STRADB: variants seen among roughly 807,000 people sequenced by gnomAD.
The protein encoded by STRADB is STE20-related kinase adapter protein beta.
A neutral mutation model predicts 52.1 loss-of-function variants in STRADB; 34 were observed. The ratio of observed to expected loss-of-function variants is 0.65; its 90% confidence interval spans 0.50 to 0.87. STRADB has a LOEUF of 0.87. Among genes scored for constraint, STRADB ranks in the 40% least tolerant of loss-of-function variants. STRADB has a pLI of 0.00. For missense variants in STRADB, 340 were observed against 483.9 expected, an observed-to-expected ratio of 0.70 and a Z score of 2.79; for synonymous variants, 133 against 174.5, an observed-to-expected ratio of 0.76 and a Z score of 1.87.
intron 7 of STRADB, among the ~76,000 whole-genome samples, chr2:201,476,801 C>G (rs181765924): frequency 1.3e-5 from 2 of 149,868 alleles, no homozygotes; most frequent in East Asian, 4.0e-4. Flanking sequence ...ATGGTGAAAC[C>G]CTGTCTCTAC....
At chr2:201,461,947 C>A (rs550452375) in intron 3 of STRADB, among the ~76,000 whole-genome samples, 1 of 152,082 alleles carries the variant, frequency 6.6e-6, no homozygotes, top group Non-Finnish European at 1.5e-5. Flanking sequence ...CTATCCTTTC[C>A]CCAGTGTATG....
chr2:201,455,887 A>G (rs1051205253), intron 2 of STRADB, among the ~76,000 whole-genome samples: 8 of 152,368 alleles, frequency 5.3e-5, no homozygotes, highest in Admixed American at 2.6e-4. Context: ...TATTCTATCA[A>G]TTACCAAGGC....
At position 201,477,788 on chromosome 2, in the gene STRADB, C is replaced by T; in HGVS notation, c.718C>T (p.Gln240Ter). 1 of 1,612,370 alleles carries T rather than the reference C, an allele frequency of 6.2e-7. No individual in the cohort carries two copies. Among genetic ancestry groups the T allele is most frequent in the Middle Eastern group, 1.7e-4 (1 of 6,060 alleles). ...QPWLSPELLR[Q>*]DLHGYNVKSD... Reference sequence around the variant, plus strand: ...GTGGCTGAGTCCAGAACTACTGAGACAGGTCAGGTGTGGCCGTTGGATTGG... The same window carrying T: ...GTGGCTGAGTCCAGAACTACTGAGATAGGTCAGGTGTGGCCGTTGGATTGG... Residue 240 changes from glutamine to a stop codon, truncating the protein, a stop_gained and splice_region_variant, in exon 8 of 12, where the codon CAG becomes TAG. Transcript: ENST00000194530. LOFTEE classifies it high-confidence loss of function.
chr2:201,474,228 C>T (rs1374648639), intron 5 of STRADB, among the ~76,000 whole-genome samples: 1 of 151,988 alleles, frequency 6.6e-6, no homozygotes, highest in Non-Finnish European at 1.5e-5. Context: ...ATGTATATTA[C>T]ACAAACAAAA....
At chr2:201,469,860 CTG>C (rs1952361864) in intron 3 of STRADB, 91 bp from the exon 4 acceptor site, 3 of 899,554 alleles carry the variant, frequency 3.3e-6, no homozygotes, top group Non-Finnish European at 5.4e-6. Context: ...ATGAGCACCT[CTG>C]TGTTTGAAAA....
Position 201,470,015 on chromosome 2 carries a change from C to T in STRADB, c.156C>T (p.Ser52=), listed in dbSNP as rs1459231354. 1.2e-6 allele frequency: 2 copies of T among 1,613,998 alleles called. No homozygotes were observed. Among genetic ancestry groups the T allele is most frequent in the Non-Finnish European group, 1.7e-6 (2 of 1,179,924 alleles). ...CTAGAGCCAGTGAAGTACTATGTTC[C>T]ACCAACGTTTCTCACTATGAGCTCC... ...PSTRASEVLC[S]TNVSHYELQV... The change falls in exon 4 of 12, where the codon TCC becomes TCT. Residue 52 remains serine (S), a synonymous_variant. Transcript: ENST00000194530.
intron 4 of STRADB, among the ~76,000 whole-genome samples, chr2:201,472,251 C>G (rs565391969): frequency 9.8e-5 from 15 of 152,298 alleles, no homozygotes; most frequent in Non-Finnish European, 2.2e-4. Context: ...ATCTCACTCG[C>G]AGATATTTGC....
At chr2:201,476,353 TCTTA>T (rs1467165924) in intron 7 of STRADB, among the ~76,000 whole-genome samples, 1 of 150,638 alleles carries the variant, frequency 6.6e-6, no homozygotes, top group Non-Finnish European at 1.5e-5. Context: ...AAGCTTTTTG[TCTTA>T]CTTTTTTTTT....
chr2:201,478,315 T>G, intron 9 of STRADB, 42 bp from the exon 10 acceptor site: 2 of 1,606,886 alleles, frequency 1.2e-6, no homozygotes, highest in Non-Finnish European at 8.5e-7. Flanking sequence ...TGTTTTAATA[T>G]TTTGCCTGAA....
chr2:201,451,965 G>C (rs1952048492), intron 1 of STRADB, 27 bp downstream of exon 1: 1 of 152,808 alleles, frequency 6.5e-6, no homozygotes, highest in Non-Finnish European at 1.5e-5. Flanking sequence ...GGCCCGGGAA[G>C]GGAAGGTGTC....
At chr2:201,465,410 A>G (rs1486794951) in intron 3 of STRADB, among the ~76,000 whole-genome samples, 1 of 151,716 alleles carries the variant, frequency 6.6e-6, no homozygotes, top group Non-Finnish European at 1.5e-5. Context: ...AGGGCTTGGA[A>G]TGGGGGCCTC....
rs1395366062 is a variant in STRADB, at chr2:201,454,813, C to A, written c.-28C>A. 6.3e-7 allele frequency: 1 copy of A among 1,599,374 alleles called. No individual in the cohort carries two copies. Among genetic ancestry groups the A allele is most frequent in the Non-Finnish European group, 8.5e-7 (1 of 1,173,578 alleles). On this transcript the variant is annotated 5_prime_UTR_variant, in exon 2 of 12. Coordinates refer to ENST00000194530, the MANE Select transcript of STRADB (RefSeq NM_018571.6). ...TTCTTTGGAATAGATGGATTTTTGTCACTTTCTGTGTGAACTAAAGTGATT... is the reference window on the plus strand; with the variant it reads ...TTCTTTGGAATAGATGGATTTTTGTAACTTTCTGTGTGAACTAAAGTGATT...
chr2:201,464,990 C>T (rs889960937), intron 3 of STRADB, among the ~76,000 whole-genome samples: 1 of 152,206 alleles, frequency 6.6e-6, no homozygotes, highest in African/African-American at 2.4e-5. Flanking sequence ...CCCTTCAGGG[C>T]AGTGGGCTAC....
chr2:201,472,099 T>C (rs1303932950), intron 4 of STRADB, among the ~76,000 whole-genome samples: 1 of 152,238 alleles, frequency 6.6e-6, no homozygotes, highest in Admixed American at 6.5e-5. Context: ...AAAAAGCTGA[T>C]GATATCAAAT....
At chr2:201,452,960 C>CT (rs954869079) in intron 1 of STRADB, among the ~76,000 whole-genome samples, 15 of 152,076 alleles carry the variant, frequency 9.9e-5, no homozygotes, top group African/African-American at 2.7e-4. Flanking sequence ...TTAAATATGA[C>CT]TTTTTTTTAA....
In STRADB at chr2:201,480,749, T is replaced by A. The variant is rs542067334; in HGVS notation, c.*574T>A. ...ACAGAAATTGTAATTTGCTTTTTTT[T>A]AAACAAGGGGGCTAAAGTAACACTT... On this transcript the variant is annotated 3_prime_UTR_variant, in exon 12 of 12. Coordinates refer to ENST00000194530, the MANE Select transcript of STRADB (RefSeq NM_018571.6). 7 of 985,206 alleles carry A rather than the reference T, an allele frequency of 7.1e-6. No individual in the cohort carries two copies. Among genetic ancestry groups the A allele is most frequent in the Non-Finnish European group, 8.4e-6 (7 of 829,368 alleles). The allele number at this position is 985,206 out of a possible 1,614,324, so 61.0% of individuals were successfully genotyped here. A position where few individuals can be genotyped will look rare whatever the true frequency, so the allele number is the denominator to read the frequency against.
intron 2 of STRADB, among the ~76,000 whole-genome samples, chr2:201,455,834 C>T (rs1174514335): frequency 6.6e-6 from 1 of 152,096 alleles, no homozygotes; most frequent in Non-Finnish European, 1.5e-5. Flanking sequence ...TTCAGTTTGT[C>T]CAAGATTGCA....
At position 201,480,332 on chromosome 2, in the gene STRADB, A is replaced by G; in HGVS notation, c.*157A>G. The G allele has an allele frequency of 2.0e-6, 3 of 1,475,914 alleles. No individual in the cohort carries two copies. Among genetic ancestry groups the G allele is most frequent in the Non-Finnish European group, 2.7e-6 (3 of 1,118,928 alleles). The allele number at this position is 1,475,914 out of a possible 1,614,324, so 91.4% of individuals were successfully genotyped here. ...AAACCACTCTGTTCAAAGGGGCACC[A>G]GTTTGTAGTCCCTCTGTTTCGCACA... On this transcript the variant is annotated 3_prime_UTR_variant, in exon 12 of 12. Transcript: ENST00000194530.
intron 1 of STRADB, among the ~76,000 whole-genome samples, chr2:201,452,148 C>G (rs1312476690): frequency 6.6e-6 from 1 of 151,918 alleles, no homozygotes; most frequent in Non-Finnish European, 1.5e-5. Flanking sequence ...AGCTCGGGCT[C>G]AGCGGGGCCC....
Sources: allele counts gnomAD v4.1 joint callset (sites outside exome capture counted in the v4.1 genomes callset), GRCh38; gene constraint gnomAD v4.1.1; transcripts MANE v1.5; gene names NCBI Gene and HGNC (gene_info 2026-07-23, HGNC 2026-07-21).